Variants in NUBP1 observed in about 807,000 individuals in gnomAD.
NUBP1 encodes cytosolic Fe-S cluster assembly factor NUBP1.
A neutral mutation model predicts 41.8 loss-of-function variants in NUBP1; 46 were observed. The ratio of observed to expected loss-of-function variants is 1.10; its 90% CI spans 0.87 to 1.41. The LOEUF (loss-of-function observed/expected upper bound fraction) is 1.41, where lower values mean the gene tolerates loss of function less well. NUBP1 is among the 40% of genes most tolerant of loss of function. The pLI, the probability that NUBP1 is intolerant of heterozygous loss-of-function variation, is 0.00. For missense variants in NUBP1, 494 were observed against 414.0 expected, an observed-to-expected ratio of 1.19 and a Z score of -1.68; for synonymous variants, 189 against 154.6, an observed-to-expected ratio of 1.22 and a Z score of -1.65.
intron 2 of NUBP1, among the ~76,000 whole-genome samples, chr16:10,746,739 C>CA (rs1002662993): frequency 8.6e-4 from 124 of 144,704 alleles, no homozygotes; most frequent in African/African-American, 2.6e-3. Context: ...CACTCTGTCT[C>CA]AAAAAAAAAA....
At chr16:10,750,142 G>A (rs1258864859) in intron 3 of NUBP1, among the ~76,000 whole-genome samples, 10 of 152,300 alleles carry the variant, frequency 6.6e-5, no homozygotes, top group Admixed American at 2.6e-4. Context: ...AGGCTGCAGT[G>A]AGCCGTGATT....
chr16:10,756,801 T>C, intron 6 of NUBP1, 21 bp downstream of exon 6: 1 of 1,585,836 alleles, frequency 6.3e-7, no homozygotes, highest in Non-Finnish European at 8.6e-7. Flanking sequence ...CTGCCTTTTT[T>C]TGTCTCTCAC....
At chr16:10,746,315 A>C (rs1265547892) in intron 2 of NUBP1, among the ~76,000 whole-genome samples, 2 of 152,366 alleles carry the variant, frequency 1.3e-5, no homozygotes, top group Non-Finnish European at 2.9e-5. Flanking sequence ...AGAGTTTCTC[A>C]ACCTCAGCAC....
At position 10,744,018 on chromosome 16, in the gene NUBP1, C is replaced by A; in HGVS notation, c.77C>A (p.Pro26His). ...AGAGGGGCTTCATGTCAGGGATGCCCCAACCAGCGGCTGTGCGCTTCTGGA... is the reference window on the plus strand; with the variant it reads ...AGAGGGGCTTCATGTCAGGGATGCCACAACCAGCGGCTGTGCGCTTCTGGA... ...AGRGASCQGC[P>H]NQRLCASGAG... Residue 26 changes from proline to histidine, a missense_variant, in exon 2 of 11, where the codon CCC (proline) becomes CAC (histidine). Coordinates refer to ENST00000283027, the MANE Select transcript of NUBP1 (RefSeq NM_002484.4). 1.3e-6 allele frequency: 2 copies of A among 1,580,376 alleles called. No homozygotes were observed. The highest frequency in any genetic ancestry group is 2.3e-5 in the East Asian group (1 of 42,750).
At position 10,755,680 on chromosome 16, in the gene NUBP1, A is replaced by G. The variant is rs752012793; in HGVS notation, c.328-41A>G. The stretch of plus-strand genomic sequence containing the variant: ...TGTGCATGAAATGTGACCAGGGTAC[A>G]TGATTTCTACTAATGAACATCGGTG... On this transcript the variant is annotated intron_variant, in intron 4 of 10. Transcript: ENST00000283027. 4.4e-6 allele frequency: 7 copies of G among 1,606,260 alleles called. No individual in the cohort carries two copies. The African/African-American group carries it at 8.0e-5, about 18-fold the overall frequency.
At chr16:10,746,424 C>G (rs887320129) in intron 2 of NUBP1, among the ~76,000 whole-genome samples, 1 of 152,134 alleles carries the variant, frequency 6.6e-6, no homozygotes, top group African/African-American at 2.4e-5. Flanking sequence ...TAAATGCCAG[C>G]AGTACCTCTC....
At chr16:10,758,733 T>C (rs1280214306) in intron 7 of NUBP1, among the ~76,000 whole-genome samples, 2 of 152,162 alleles carry the variant, frequency 1.3e-5, no homozygotes, top group South Asian at 4.1e-4. Flanking sequence ...CCAGGATGAT[T>C]TAGGAAATCT....
Position 10,761,394 on chromosome 16 carries a change from A to G in NUBP1, c.637A>G (p.Ile213Val). 1 of 1,614,104 alleles carries G rather than the reference A, an allele frequency of 6.2e-7. No individual in the cohort carries two copies. The highest frequency in any genetic ancestry group is 8.5e-7 in the Non-Finnish European group (1 of 1,179,986). The change falls in exon 8 of 11, where the codon ATC (isoleucine) becomes GTC (valine). Residue 213 changes from isoleucine to valine, a missense_variant. Coordinates refer to ENST00000283027, the MANE Select transcript of NUBP1 (RefSeq NM_002484.4). ...EVSLQDVRKEINFCRKVKLPI... is the reference protein window; with the variant it reads ...EVSLQDVRKEVNFCRKVKLPI... ...GTCACTCCAGGATGTCCGGAAAGAA[A>G]TCAACTTCTGCCGCAAGGTGAAGCT...
Position 10,766,374 on chromosome 16 carries a change from C to G in NUBP1, c.821-1575C>G, listed in dbSNP as rs62027828. On this transcript the variant is annotated intron_variant, in intron 9 of 10. Transcript: ENST00000283027. This position sits in a 1 kb window ranked among gnomAD's most constrained non-coding sequence, Gnocchi z 4.8. ...CACCAGCTGTTCTGATAATGCTGCC[C>G]GTTCTTGGAGAGGTGGGAGCCCAGG... Among the ~76,000 whole-genome samples, 2 of 152,262 alleles carry G rather than the reference C, an allele frequency of 1.3e-5. No individual in the cohort carries two copies. The highest frequency in any genetic ancestry group is 4.1e-4 in the South Asian group (2 of 4,830).
Position 10,755,714 on chromosome 16 carries a change from C to T in NUBP1, c.328-7C>T. On this transcript the variant is annotated splice_region_variant and splice_polypyrimidine_tract_variant and intron_variant, in intron 4 of 10. Transcript: ENST00000283027. ...ACTAATGAACATCGGTGCTCATGTTCACACAGGTTCACCAGAGTGGCTCAG... is the reference window on the plus strand; with the variant it reads ...ACTAATGAACATCGGTGCTCATGTTTACACAGGTTCACCAGAGTGGCTCAG... 2 of 1,614,062 alleles carry T rather than the reference C, an allele frequency of 1.2e-6. No homozygotes were observed. The highest frequency in any genetic ancestry group is 1.7e-6 in the Non-Finnish European group (2 of 1,179,922).
At chr16:10,756,512 T>C (rs1251292466) in intron 5 of NUBP1, among the ~76,000 whole-genome samples, 178 bp from the exon 6 acceptor site, 2 of 144,264 alleles carry the variant, frequency 1.4e-5, no homozygotes, top group Non-Finnish European at 3.1e-5. Context: ...CATGGTACCC[T>C]TTTTTTTTTT....
In NUBP1 at chr16:10,769,072, T is replaced by A; in HGVS notation, c.930T>A (p.His310Gln). ...GAATCCAAGAGTTTTGTAATCTCCA[T>A]CAGTCAAAAGAAGAGAACCTCATCA... Reference protein sequence around the residue: ...IQRIQEFCNLHQSKEENLISS With the variant: ...IQRIQEFCNLQQSKEENLISS The change falls in exon 11 of 11, where the codon CAT becomes CAA. Residue 310 changes from histidine (H) to glutamine (Q), a missense_variant. By Grantham distance (24) the His-to-Gln change is conservative (BLOSUM62 0). Transcript: ENST00000283027. 6.2e-7 allele frequency: 1 copy of A among 1,614,052 alleles called. No homozygotes were observed. Among genetic ancestry groups the A allele is most frequent in the Non-Finnish European group, 8.5e-7 (1 of 1,180,002 alleles).
intron 2 of NUBP1, among the ~76,000 whole-genome samples, chr16:10,745,088 G>C (rs764219520): frequency 1.9e-4 from 29 of 151,958 alleles, no homozygotes; most frequent in South Asian, 6.2e-4. Context: ...AGTTCAGAGA[G>C]AGACTTGGAT....
At chr16:10,753,909 G>C (rs560464648) in intron 4 of NUBP1, among the ~76,000 whole-genome samples, 1 of 152,272 alleles carries the variant, frequency 6.6e-6, no homozygotes, top group Non-Finnish European at 1.5e-5. Flanking sequence ...GAAGCAGATG[G>C]GGCCGGCCTT....
At chr16:10,748,797 A>C (rs969301774) in intron 3 of NUBP1, among the ~76,000 whole-genome samples, 4 of 152,136 alleles carry the variant, frequency 2.6e-5, no homozygotes, top group Admixed American at 6.6e-5. Context: ...CAGATTCAAA[A>C]TACACTTGTT....
rs141964373 is a variant in NUBP1, at chr16:10,749,311, G to A, written c.258+2035G>A. Among the ~76,000 whole-genome samples the A allele has an allele frequency of 1.7e-4, 26 of 152,262 alleles. 1 individual carries two copies. The East Asian group carries it at 4.6e-3, about 27-fold the overall frequency. On this transcript the variant is annotated intron_variant, in intron 3 of 10. Transcript: ENST00000283027. The surrounding 1 kb of genome is among the most constrained non-coding windows in gnomAD (Gnocchi z 4.1). ...GAATCTTTGCTTTTCGAAGCTGTCA[G>A]GAATATTCCTAAACAGCTCACTGGA...
chr16:10,753,291 G>A (rs1052538609), intron 4 of NUBP1, among the ~76,000 whole-genome samples: 5 of 152,286 alleles, frequency 3.3e-5, no homozygotes, highest in Admixed American at 3.3e-4. Context: ...AGTAAGACAC[G>A]GAAATTTAGC....
chr16:10,755,572 C>A, intron 4 of NUBP1, 149 bp from the exon 5 acceptor site: 1 of 766,432 alleles, frequency 1.3e-6, no homozygotes, highest in Non-Finnish European at 2.2e-6. Context: ...TAGCTGTTCA[C>A]CTCCTTTTAG....
At chr16:10,746,696 C>T (rs931066041) in intron 2 of NUBP1, among the ~76,000 whole-genome samples, 3 of 151,970 alleles carry the variant, frequency 2.0e-5, no homozygotes, top group Admixed American at 6.6e-5. Flanking sequence ...GCCGAGATCA[C>T]GCCACTGCAC....
Sources: gnomAD v4.1 joint callset for allele counts (sites outside exome capture counted in the v4.1 genomes callset) on GRCh38, gnomAD v4.1.1 for gene constraint, Gnocchi (gnomAD v3.1) non-coding constraint, MANE v1.5 for transcripts, NCBI Gene and HGNC (gene_info 2026-07-23, HGNC 2026-07-21) for gene names.